The following RECQL4 variants were observed in gnomAD, a reference collection of about 807,000 sequenced individuals.
RECQL4 encodes the protein RecQ like helicase 4.
A neutral mutation model predicts 128.6 loss-of-function variants in RECQL4; 158 were observed. That is an observed-to-expected ratio of 1.23 (90% CI 1.08 to 1.40). RECQL4 has a LOEUF of 1.40. Ranked by LOEUF, RECQL4 falls within the 40% of genes most tolerant of loss-of-function variation. The pLI is 0.00. For missense variants in RECQL4, 2,293 were observed against 1,649.8 expected, an observed-to-expected ratio of 1.39 and a Z score of -6.75; for synonymous variants, 996 against 678.9, an observed-to-expected ratio of 1.47 and a Z score of -7.26.
intron 9 of RECQL4, 53 bp from the exon 10 acceptor site, chr8:144,514,578 C>T (rs1827874433): frequency 6.5e-7 from 1 of 1,537,086 alleles, no homozygotes; most frequent in Non-Finnish European, 8.9e-7. Flanking sequence ...CTGGCCCTTC[C>T]CCAAGTCATC....
rs760413890 is a variant in RECQL4, at chr8:144,515,407, G to A, written c.1309C>T (p.Pro437Ser). The change falls in exon 7 of 21, where the codon CCA becomes TCA. Residue 437 changes from proline to serine, a missense_variant. Coordinates refer to ENST00000617875, the MANE Select transcript of RECQL4 (RefSeq NM_004260.4). The stretch of plus-strand genomic sequence containing the variant: ...CTGGGCACCTCAGGTACAGGTTGTG[G>A]TGAAGGAACCAGTGGCTCAGGCCCA... ...AVGPEPLVPS[P>S]QPVPEVPSLD... 1.2e-4 allele frequency: 190 copies of A among 1,612,702 alleles called. No individual in the cohort carries two copies. Among genetic ancestry groups the A allele is most frequent in the South Asian group, 3.3e-5 (3 of 91,088 alleles).
chr8:144,514,572 C>T (rs1439295989), intron 9 of RECQL4, 47 bp from the exon 10 acceptor site: 2 of 1,571,546 alleles, frequency 1.3e-6, no homozygotes, highest in Non-Finnish European at 8.7e-7. Context: ...CCAGCCCTGG[C>T]CCTTCCCCAA....
At position 144,515,974 on chromosome 8, in the gene RECQL4, C is replaced by A; in HGVS notation, c.1131+14G>T. 1 of 1,610,556 alleles carries A rather than the reference C, an allele frequency of 6.2e-7. No homozygotes were observed. The highest frequency in any genetic ancestry group is 8.5e-7 in the Non-Finnish European group (1 of 1,178,198). On this transcript the variant is annotated intron_variant, in intron 5 of 20. Coordinates refer to ENST00000617875, the MANE Select transcript of RECQL4 (RefSeq NM_004260.4). ...GGGAAAGGGAATGCCTGTCCTGGCC[C>A]GTCGCTGTCTTACCTGCTTGCGGAG...
In RECQL4 at chr8:144,512,539, A is replaced by G; in HGVS notation, c.2908T>C (p.Leu970=). Residue 970 remains leucine, a synonymous_variant, in exon 17 of 21, where the codon TTG becomes CTG. Transcript: ENST00000617875. ...AHRCPPLAVC[L]AQQLPEDPGQ... ...GGGTCCTCAGGCAGCTGCTGGGCCA[A>G]GCACACAGCCAAAGGGGGACACCTG... 1 of 1,612,570 alleles carries G rather than the reference A, an allele frequency of 6.2e-7. No homozygotes were observed. The highest frequency in any genetic ancestry group is 8.5e-7 in the Non-Finnish European group (1 of 1,179,806).
At position 144,514,515 on chromosome 8, in the gene RECQL4, A is replaced by T; in HGVS notation, c.1631T>A (p.Leu544Gln). The change falls in exon 10 of 21, where the codon CTG becomes CAG. Residue 544 changes from leucine (L) to glutamine (Q), a missense_variant. Physicochemically the swap from Leu to Gln is moderately radical, Grantham distance 113. Transcript: ENST00000617875. ...LSLMDDQVSG[L>Q]PPCLKAACIH... ...GCAGGCCGCCTTGAGACACGGTGGC[A>T]GGCCAGACACCTGCAAATGCAGGAG... 6.2e-7 allele frequency: 1 copy of T among 1,611,490 alleles called. No homozygotes were observed. The highest frequency in any genetic ancestry group is 8.5e-7 in the Non-Finnish European group (1 of 1,179,332).
chr8:144,512,036 C>G lies in RECQL4; in HGVS notation c.3268G>C (p.Glu1090Gln), dbSNP rs756401653. The G allele has an allele frequency of 1.2e-6, 2 of 1,608,524 alleles. No individual in the cohort carries two copies. The highest frequency in any genetic ancestry group is 2.7e-5 in the African/African-American group (2 of 74,890). Residue 1090 changes from glutamate to glutamine, a missense_variant, in exon 19 of 21, where the codon GAG becomes CAG. Coordinates refer to ENST00000617875, the MANE Select transcript of RECQL4 (RefSeq NM_004260.4). ...GTGCTGCGCTCCTCATCCTGCTGCT[C>G]CAGGCAGGGCCCGCAGCTGGGGAAG... ...VAFPSCGPCL[E>Q]QQDEERSTRL...
Position 144,516,009 on chromosome 8 carries a change from A to T in RECQL4, c.1110T>A (p.Arg370=), listed in dbSNP as rs560961607. ...QKHYVRGRAL[R]SRLLRKQAWK... ...TTACCTGCTTGCGGAGGAGCCTGCT[A>T]CGGAGTGCCCGGCCCCGCACGTAGT... The change falls in exon 5 of 21, where the codon CGT becomes CGA. Residue 370 remains arginine, a synonymous_variant. Transcript: ENST00000617875. 1 of 1,609,954 alleles carries T rather than the reference A, an allele frequency of 6.2e-7. No individual in the cohort carries two copies. Among genetic ancestry groups the T allele is most frequent in the Non-Finnish European group, 8.5e-7 (1 of 1,177,644 alleles).
Position 144,513,940 on chromosome 8 carries a change from C to A in RECQL4, c.2046G>T (p.Arg682Ser). 6.4e-7 allele frequency: 1 copy of A among 1,556,362 alleles called. No individual in the cohort carries two copies. The highest frequency in any genetic ancestry group is 1.2e-5 in the South Asian group (1 of 84,556). ...TNLHLSVSMD[R>S]DTDQALLTLL... Reference sequence around the variant, plus strand: ...CACACACACCCACCTGGTCTGTGTCCCTGTCCATGGACACGGAAAGGTGCA... The same window carrying A: ...CACACACACCCACCTGGTCTGTGTCACTGTCCATGGACACGGAAAGGTGCA... Residue 682 changes from arginine (R) to serine (S), a missense_variant, in exon 12 of 21, where the codon AGG (arginine) becomes AGT (serine). By Grantham distance (110) the Arg-to-Ser change is moderately radical. Coordinates refer to ENST00000617875, the MANE Select transcript of RECQL4 (RefSeq NM_004260.4).
chr8:144,513,246 GC>G lies in RECQL4; in HGVS notation c.2434del (p.Ala812ProfsTer31). 1 of 1,587,902 alleles carries G rather than the reference GC, an allele frequency of 6.3e-7. No individual in the cohort carries two copies. The highest frequency in any genetic ancestry group is 8.5e-7 in the Non-Finnish European group (1 of 1,172,426). The stretch of plus-strand genomic sequence containing the variant: ...GGGCTGCAGGAAGAGGTGGCAGTGG[GC>G]AGGCTGCCCGTCACGCCCGGCCCGG... ...VGRAGRDGQPAHCHLFLQPQG... is the reference protein window; with the variant it reads ...VGRAGRDGQPXHCHLFLQPQG... On this transcript the variant is annotated frameshift_variant, in exon 14 of 21. Coordinates refer to ENST00000617875, the MANE Select transcript of RECQL4 (RefSeq NM_004260.4). LOFTEE classifies it high-confidence loss of function.
intron 6 of RECQL4, 25 bp downstream of exon 6, chr8:144,515,739 C>G: frequency 6.2e-7 from 1 of 1,610,322 alleles, no homozygotes; most frequent in Non-Finnish European, 8.5e-7. Context: ...TTGGCCGGAC[C>G]CACCCTCCAG....
rs1202501641 is a variant in RECQL4 at position 144,516,305 on chromosome 8, G to C, written c.814C>G (p.Pro272Ala). Residue 272 changes from proline (P) to alanine (A), a missense_variant, in exon 5 of 21, where the codon CCC becomes GCC. By Grantham distance (27) the Pro-to-Ala change is conservative. Coordinates refer to ENST00000617875, the MANE Select transcript of RECQL4 (RefSeq NM_004260.4). Reference sequence around the variant, plus strand: ...CTGCTCTCCTGCTGGACCTGTGCGGGGCTCTCCCAGGGCTCCTCGTTCCAT... The same window carrying C: ...CTGCTCTCCTGCTGGACCTGTGCGGCGCTCTCCCAGGGCTCCTCGTTCCAT... ...RRWNEEPWESPAQVQQESSQA... is the reference protein window; with the variant it reads ...RRWNEEPWESAAQVQQESSQA... 5 of 1,610,098 alleles carry C rather than the reference G, an allele frequency of 3.1e-6. No individual in the cohort carries two copies. The South Asian group carries it at 4.4e-5, about 14-fold the overall frequency.
Position 144,513,046 on chromosome 8 carries a change from G to A in RECQL4, c.2556C>T (p.Ala852=), listed in dbSNP as rs1827553201. The A allele has an allele frequency of 1.9e-6, 3 of 1,579,270 alleles. No individual in the cohort carries two copies. The highest frequency in any genetic ancestry group is 2.7e-5 in the African/African-American group (2 of 74,208). The part of the protein sequence containing the change: ...VKRLVQRVFP[A]CTCTCTRPPS... ...GCGGCCTGGTGCAGGTGCAGGTGCA[G>A]GCTGGGAACACGCGCTGTACCAGCC... Residue 852 remains alanine (A), a synonymous_variant, in exon 15 of 21, where the codon GCC becomes GCT. Coordinates refer to ENST00000617875, the MANE Select transcript of RECQL4 (RefSeq NM_004260.4).
Position 144,513,039 on chromosome 8 carries a change from A to G in RECQL4, c.2563T>C (p.Cys855Arg), listed in dbSNP as rs867982056. The G allele has an allele frequency of 1.3e-6, 2 of 1,576,776 alleles. No homozygotes were observed. The highest frequency in any genetic ancestry group is 1.8e-5 in the Admixed American group (1 of 54,182). ...TCCGAGGGCGGCCTGGTGCAGGTGC[A>G]GGTGCAGGCTGGGAACACGCGCTGT... ...LVQRVFPACTCTCTRPPSEQE... is the reference protein window; with the variant it reads ...LVQRVFPACTRTCTRPPSEQE... The change falls in exon 15 of 21, where the codon TGC becomes CGC. Residue 855 changes from cysteine to arginine, a missense_variant. Physicochemically the swap from Cys to Arg is radical, Grantham distance 180 (BLOSUM62 -3). Coordinates refer to ENST00000617875, the MANE Select transcript of RECQL4 (RefSeq NM_004260.4).
chr8:144,514,558 C>T (rs1240074074), intron 9 of RECQL4, 33 bp from the exon 10 acceptor site: 1 of 1,595,656 alleles, frequency 6.3e-7, no homozygotes, highest in East Asian at 2.2e-5. Context: ...CGTCATACGC[C>T]AGCCCAGCCC....
intron 6 of RECQL4, 96 bp from the exon 7 acceptor site, chr8:144,515,553 G>C: frequency 6.4e-7 from 1 of 1,571,392 alleles, no homozygotes; most frequent in South Asian, 1.1e-5. Context: ...GTTGGCAGCA[G>C]GCAGTGCCCT....
intron 6 of RECQL4, 60 bp from the exon 7 acceptor site, chr8:144,515,517 C>T (rs1828030890): frequency 6.8e-6 from 11 of 1,608,586 alleles, no homozygotes; most frequent in Middle Eastern, 1.7e-4. Context: ...AACCACTGGC[C>T]ACAACCTCTC....
In RECQL4 at chr8:144,514,427, C is replaced by T; in HGVS notation, c.1704+15G>A. 6.2e-7 allele frequency: 1 copy of T among 1,610,402 alleles called. No individual in the cohort carries two copies. The highest frequency in any genetic ancestry group is 8.5e-7 in the Non-Finnish European group (1 of 1,178,416). Reference sequence around the variant, plus strand: ...CCCGCTGCCTCCCTCACCCCTAGGCCCATGAGGCCCCCACCTTCTGCAGGA... The same window carrying T: ...CCCGCTGCCTCCCTCACCCCTAGGCTCATGAGGCCCCCACCTTCTGCAGGA... On this transcript the variant is annotated intron_variant, in intron 10 of 20. Transcript: ENST00000617875.
Position 144,512,895 on chromosome 8 carries a change from C to T in RECQL4, c.2707G>A (p.Ala903Thr), listed in dbSNP as rs1827522325. 2 of 1,591,756 alleles carry T rather than the reference C, an allele frequency of 1.3e-6. No individual in the cohort carries two copies. The highest frequency in any genetic ancestry group is 2.3e-5 in the East Asian group (1 of 43,846). Reference sequence around the variant, plus strand: ...TGTACGGTAAGCTGTATTGGGAGTGCCCGCTCATGGCCCATGCAGACCCTT... The same window carrying T: ...TGTACGGTAAGCTGTATTGGGAGTGTCCGCTCATGGCCCATGCAGACCCTT... ...PRRVCMGHERALPIQLTVQAL... is the reference protein window; with the variant it reads ...PRRVCMGHERTLPIQLTVQAL... Residue 903 changes from alanine (A) to threonine (T), a missense_variant, in exon 15 of 21, where the codon GCA becomes ACA. Ala to Thr is a moderately conservative substitution (Grantham distance 58). Coordinates refer to ENST00000617875, the MANE Select transcript of RECQL4 (RefSeq NM_004260.4).
Position 144,513,967 on chromosome 8 carries a change from G to A in RECQL4, c.2019C>T (p.Asn673=), listed in dbSNP as rs748657934. 5 of 1,562,924 alleles carry A rather than the reference G, an allele frequency of 3.2e-6. No individual in the cohort carries two copies. In the East Asian group the frequency reaches 7.2e-5, roughly 22 times the overall value. Residue 673 remains asparagine (N), a synonymous_variant, in exon 12 of 21, where the codon AAC becomes AAT. Transcript: ENST00000617875. ...DLHGPAPVPT[N]LHLSVSMDRD... is the part of the protein sequence containing the mutation. Reference sequence around the variant, plus strand: ...TGTCCATGGACACGGAAAGGTGCAGGTTGGTGGGAACTGGGGCTGGCCCGT... The same window carrying A: ...TGTCCATGGACACGGAAAGGTGCAGATTGGTGGGAACTGGGGCTGGCCCGT...
Sources: gnomAD v4.1 joint callset for allele counts on GRCh38, gnomAD v4.1.1 for gene constraint, MANE v1.5 for transcripts, NCBI Gene and HGNC (gene_info 2026-07-23, HGNC 2026-07-21) for gene names.